Variants in ALDH2 observed in about 807,000 individuals in gnomAD.
The protein encoded by ALDH2 is aldehyde dehydrogenase, mitochondrial.
Under a neutral mutation model 59.6 loss-of-function variants are expected in ALDH2, and 44 were observed. The observed-to-expected ratio is 0.74, with a 90% CI of 0.58 to 0.95. ALDH2 has a LOEUF of 0.95. Ranked by LOEUF, ALDH2 falls within the 40% of genes least tolerant of loss-of-function variation. The pLI is 0.00. For missense variants in ALDH2, 570 were observed against 696.3 expected (o/e 0.82, Z 2.04); for synonymous variants, 291 against 284.0 (o/e 1.02, Z -0.25).
In ALDH2 at chr12:111,799,971, C is replaced by T. The variant is rs1371450887; in HGVS notation, c.1314C>T (p.Asn438=). The T allele has an allele frequency of 1.9e-6, 3 of 1,613,966 alleles. No homozygotes were observed. Among genetic ancestry groups the T allele is most frequent in the African/African-American group, 2.7e-5 (2 of 74,954 alleles). The change falls in exon 11 of 13, where the codon AAC becomes AAT. Residue 438 remains asparagine, a synonymous_variant. Coordinates refer to ENST00000261733, the MANE Select transcript of ALDH2 (RefSeq NM_000690.4). ...TAGAGGAGGTTGTTGGGAGAGCCAA[C>T]AATTCCACGTACGGGCTGGCCGCAG... ...KTIEEVVGRA[N]NSTYGLAAAV... is the part of the protein sequence containing the mutation.
chr12:111,806,075 A>G (rs1294529018), intron 12 of ALDH2, among the ~76,000 whole-genome samples: 4 of 151,004 alleles, frequency 2.6e-5, no homozygotes, highest in Non-Finnish European at 2.9e-5. Flanking sequence ...GCACTTTTGG[A>G]GGTTGAGGTG....
intron 1 of ALDH2, among the ~76,000 whole-genome samples, chr12:111,779,047 G>C (rs1315383745): frequency 6.6e-6 from 1 of 151,880 alleles, no homozygotes; most frequent in Non-Finnish European, 1.5e-5. Flanking sequence ...GTGGAGAGAG[G>C]GTCTCACTAT....
intron 1 of ALDH2, among the ~76,000 whole-genome samples, chr12:111,771,581 A>C (rs536496325): frequency 2.0e-5 from 3 of 152,330 alleles, no homozygotes; most frequent in Admixed American, 1.3e-4. Flanking sequence ...CTCAAAAACA[A>C]TATGTCAAGG....
chr12:111,803,857 A>T lies in ALDH2; in HGVS notation c.1407-2A>T. The T allele has an allele frequency of 6.2e-7, 1 of 1,602,054 alleles. No homozygotes were observed. Among genetic ancestry groups the T allele is most frequent in the South Asian group, 1.1e-5 (1 of 89,504 alleles). On this transcript the variant is annotated splice_acceptor_variant, in intron 11 of 12. Coordinates refer to ENST00000261733, the MANE Select transcript of ALDH2 (RefSeq NM_000690.4). LOFTEE classifies it high-confidence loss of function. The stretch of plus-strand genomic sequence containing the variant: ...TTTCTGCAATCTCGTTTCAAATTAC[A>T]GGGTCAACTGCTATGATGTGTTTGG...
At chr12:111,803,281 CA>C (rs59141978) in intron 11 of ALDH2, among the ~76,000 whole-genome samples, 4,449 of 135,238 alleles carry the variant, frequency 0.033, 210 homozygotes, top group African/African-American at 0.11. Context: ...TTTTAAATTG[CA>C]AAAAAAAAAA....
chr12:111,781,971 C>T lies in ALDH2; in HGVS notation c.168C>T (p.Thr56=), dbSNP rs2068276178. 5 of 1,614,018 alleles carry T rather than the reference C, an allele frequency of 3.1e-6. No individual in the cohort carries two copies. Among genetic ancestry groups the T allele is most frequent in the South Asian group, 1.1e-5 (1 of 91,072 alleles). The change falls in exon 2 of 13, where the codon ACC becomes ACT. Residue 56 remains threonine (T), a synonymous_variant. Coordinates refer to ENST00000261733, the MANE Select transcript of ALDH2 (RefSeq NM_000690.4). ...HDAVSRKTFP[T]VNPSTGEVIC... ...CCGTCAGCAGGAAAACATTCCCCAC[C>T]GTCAATCCGTCCACTGGAGAGGTCA...
chr12:111,768,117 CACA>C (rs1169722971), intron 1 of ALDH2, among the ~76,000 whole-genome samples: 3 of 152,194 alleles, frequency 2.0e-5, no homozygotes, highest in Non-Finnish European at 4.4e-5. Flanking sequence ...GAGACTGAGT[CACA>C]AAGAGGTTTA....
chr12:111,791,292 CTGTT>C lies in ALDH2; in HGVS notation c.682-11_682-8del. The stretch of plus-strand genomic sequence containing the variant: ...GAGGGTGACTCCCAATGTCCCCTGG[CTGTT>C]TGCTCACAGGCTGGCTTTCCCCCTG... On this transcript the variant is annotated splice_polypyrimidine_tract_variant and intron_variant, in intron 6 of 12. Coordinates refer to ENST00000261733, the MANE Select transcript of ALDH2 (RefSeq NM_000690.4). 1.9e-6 allele frequency: 3 copies of C among 1,603,292 alleles called. No individual in the cohort carries two copies. Among genetic ancestry groups the C allele is most frequent in the Non-Finnish European group, 2.6e-6 (3 of 1,171,044 alleles).
intron 4 of ALDH2, 115 bp from the exon 5 acceptor site, chr12:111,789,708 A>G: frequency 1.1e-6 from 1 of 889,074 alleles, no homozygotes; most frequent in Non-Finnish European, 1.8e-6. Context: ...AGCCAAAAGC[A>G]AAGACAGTTT....
At chr12:111,791,559 G>T in intron 7 of ALDH2, 140 bp downstream of exon 7, 1 of 662,684 alleles carries the variant, frequency 1.5e-6, no homozygotes, top group Non-Finnish European at 2.6e-6. Flanking sequence ...GTACCAGGAG[G>T]GGTGGGGCAG....
chr12:111,813,695 T>C lies in ALDH2; in HGVS notation c.*4120T>C, dbSNP rs1228764867. On this transcript the variant is annotated 3_prime_UTR_variant, in exon 13 of 13. Coordinates refer to ENST00000261733, the MANE Select transcript of ALDH2 (RefSeq NM_000690.4). ...TGAACCTTGAAAACATGATGCTGAGTGAAAGAAGCCAGACACAAAAGGAGA... is the reference window on the plus strand; with the variant it reads ...TGAACCTTGAAAACATGATGCTGAGCGAAAGAAGCCAGACACAAAAGGAGA... 6.6e-6 allele frequency: 1 copy of C among 152,012 alleles called. No individual in the cohort carries two copies. Among genetic ancestry groups the C allele is most frequent in the East Asian group, 1.9e-4 (1 of 5,190 alleles). The allele number at this position is 152,012 out of a possible 1,614,324, so 9.4% of individuals were successfully genotyped here. A position where few individuals can be genotyped will look rare whatever the true frequency, so the allele number is the denominator to read the frequency against.
At chr12:111,775,281 C>T (rs1323211549) in intron 1 of ALDH2, among the ~76,000 whole-genome samples, 1 of 152,200 alleles carries the variant, frequency 6.6e-6, no homozygotes, top group African/African-American at 2.4e-5. Context: ...CTCCCCTCAC[C>T]TACACCCTGC....
At chr12:111,785,419 T>C in intron 4 of ALDH2, 73 bp downstream of exon 4, 1 of 1,383,556 alleles carries the variant, frequency 7.2e-7, no homozygotes, top group South Asian at 1.2e-5. Context: ...GAGGTAAAAA[T>C]TAAATTACAA....
chr12:111,790,380 A>G, intron 5 of ALDH2, 54 bp from the exon 6 acceptor site: 1 of 1,611,790 alleles, frequency 6.2e-7, no homozygotes, highest in Non-Finnish European at 8.5e-7. Flanking sequence ...TCTGCTACCC[A>G]GTGTAGTTCT....
rs1187765022 is a variant in ALDH2, at chr12:111,809,557, G to A, written c.1536G>A (p.Val512=). 1 of 1,614,178 alleles carries A rather than the reference G, an allele frequency of 6.2e-7. No homozygotes were observed. Among genetic ancestry groups the A allele is most frequent in the African/African-American group, 1.3e-5 (1 of 75,048 alleles). ...YTEVKTVTVK[V]PQKNS is the part of the protein sequence containing the mutation. ...CCCCCTTACAGGTCACAGTCAAAGT[G>A]CCTCAGAAGAACTCATAAGAATCAT... The change falls in exon 13 of 13, where the codon GTG becomes GTA. Residue 512 remains valine, a synonymous_variant. Transcript: ENST00000261733.
At chr12:111,797,184 C>T (rs926602070) in intron 9 of ALDH2, among the ~76,000 whole-genome samples, 7 of 152,142 alleles carry the variant, frequency 4.6e-5, no homozygotes, top group Admixed American at 6.6e-5. Flanking sequence ...CTGCCTGCCT[C>T]GTCCTCCCAA....
At chr12:111,784,451 T>C (rs1421394192) in intron 3 of ALDH2, among the ~76,000 whole-genome samples, 1 of 152,250 alleles carries the variant, frequency 6.6e-6, no homozygotes, top group Non-Finnish European at 1.5e-5. Flanking sequence ...CGCTTGCACC[T>C]GCCTGGGATG....
intron 9 of ALDH2, among the ~76,000 whole-genome samples, chr12:111,795,036 C>G (rs541595136): frequency 6.6e-5 from 10 of 152,258 alleles, no homozygotes; most frequent in Non-Finnish European, 1.3e-4. Context: ...TATGTTCTGC[C>G]TATAGATTTA....
At chr12:111,772,090 C>T (rs970685832) in intron 1 of ALDH2, among the ~76,000 whole-genome samples, 2 of 151,814 alleles carry the variant, frequency 1.3e-5, no homozygotes, top group African/African-American at 2.4e-5. Flanking sequence ...CAGAGTGACA[C>T]TTCGTCTGAA....
Sources: allele counts gnomAD v4.1 joint callset (sites outside exome capture counted in the v4.1 genomes callset), GRCh38; gene constraint gnomAD v4.1.1; transcripts MANE v1.5; gene names NCBI Gene and HGNC (gene_info 2026-07-23, HGNC 2026-07-21).